Variants in SLC25A47 observed in about 807,000 individuals in gnomAD.
SLC25A47 encodes the protein HCC-down-regulated mitochondrial carrier protein.
SLC25A47 carries 30 observed loss-of-function variants against 29.8 expected under a neutral mutation model. That is an observed-to-expected ratio of 1.01 (90% confidence interval 0.75 to 1.36). The LOEUF (loss-of-function observed/expected upper bound fraction) is 1.36. Among genes scored for constraint, SLC25A47 ranks in the 40% most tolerant of loss-of-function variants. SLC25A47 has a pLI of 0.00. For synonymous variants in SLC25A47, 204 were observed against 197.8 expected, an observed-to-expected ratio of 1.03 and a Z score of -0.26; for missense variants, 430 against 441.9, an observed-to-expected ratio of 0.97 and a Z score of 0.24.
At chr14:100,325,763 C>T in intron 1 of SLC25A47, 25 bp from the exon 2 acceptor site, 1 of 1,611,376 alleles carries the variant, frequency 6.2e-7, no homozygotes, top group Non-Finnish European at 8.5e-7. Context: ...ACTCTCCTCA[C>T]CGTGGGCCTC....
chr14:100,326,261 C>T, intron 3 of SLC25A47, 33 bp downstream of exon 3: 1 of 1,601,700 alleles, frequency 6.2e-7, no homozygotes, highest in South Asian at 1.1e-5. Context: ...GGTAGGGAGA[C>T]AGGGAGGGGA....
intron 1 of SLC25A47, among the ~76,000 whole-genome samples, chr14:100,323,762 A>G (rs1893289927): frequency 6.6e-6 from 1 of 151,892 alleles, no homozygotes; most frequent in East Asian, 1.9e-4. Context: ...GGGAGGGGTG[A>G]TTGAGTCACT....
At chr14:100,323,586 T>C (rs1041463752) in intron 1 of SLC25A47, 144 bp downstream of exon 1, 3 of 990,432 alleles carry the variant, frequency 3.0e-6, no homozygotes, top group Non-Finnish European at 4.5e-6. Flanking sequence ...AGAGAGCAGG[T>C]TCCTGGGAGG....
At chr14:100,329,320 C>T (rs769664716) in intron 5 of SLC25A47, 45 bp from the exon 6 acceptor site, 18 of 1,543,410 alleles carry the variant, frequency 1.2e-5, no homozygotes, top group African/African-American at 1.1e-4. Context: ...CTGCCCTGGG[C>T]GCCCCGATCA....
chr14:100,326,100 T>G, intron 2 of SLC25A47, 57 bp from the exon 3 acceptor site: 1 of 1,459,076 alleles, frequency 6.9e-7, no homozygotes, highest in Non-Finnish European at 9.5e-7. Flanking sequence ...CCCCAGGGCC[T>G]GCTGGCCTTG....
intron 1 of SLC25A47, among the ~76,000 whole-genome samples, 198 bp from the exon 2 acceptor site, chr14:100,325,590 C>G (rs1173421509): frequency 6.6e-6 from 1 of 152,210 alleles, no homozygotes; most frequent in East Asian, 1.9e-4. Context: ...AGAAGACACT[C>G]GGAGGCTCAA....
chr14:100,326,224 A>C lies in SLC25A47; in HGVS notation c.140A>C (p.Glu47Ala), dbSNP rs750714745. The C allele has an allele frequency of 3.7e-6, 6 of 1,613,354 alleles. No individual in the cohort carries two copies. The highest frequency in any genetic ancestry group is 5.1e-6 in the Non-Finnish European group (6 of 1,179,882). Residue 47 changes from glutamate (E) to alanine (A), a missense_variant, in exon 3 of 6, where the codon GAG becomes GCG. Transcript: ENST00000361529. Reference protein sequence around the residue: ...WHCVRDTYHRERVWGFYRGLS... With the variant: ...WHCVRDTYHRARVWGFYRGLS... ...TGCGTCCGGGATACGTATCACCGAG[A>C]GCGCGTAGGTCTGGGGCCAGGGGCT... is the stretch of plus-strand genomic sequence containing the variant.
chr14:100,327,218 C>T lies in SLC25A47; in HGVS notation c.175C>T (p.Pro59Ser). The T allele has an allele frequency of 6.2e-7, 1 of 1,609,214 alleles. No homozygotes were observed. The change falls in exon 4 of 6, where the codon CCC becomes TCC. Residue 59 changes from proline to serine, a missense_variant. Coordinates refer to ENST00000361529, the MANE Select transcript of SLC25A47 (RefSeq NM_207117.4). ...GGGCTTCTACCGGGGCCTCTCGCTGCCCGTGTGCACGGTGTCCCTGGTATC... is the reference window on the plus strand; with the variant it reads ...GGGCTTCTACCGGGGCCTCTCGCTGTCCGTGTGCACGGTGTCCCTGGTATC... Reference protein sequence around the residue: ...VWGFYRGLSLPVCTVSLVSSV... With the variant: ...VWGFYRGLSLSVCTVSLVSSV...
intron 4 of SLC25A47, 73 bp from the exon 5 acceptor site, chr14:100,328,653 G>C: frequency 6.8e-7 from 1 of 1,476,504 alleles, no homozygotes; most frequent in Non-Finnish European, 9.5e-7. Flanking sequence ...GCAACATGAG[G>C]CTGGTGGGAG....
chr14:100,325,939 C>A, intron 2 of SLC25A47, 108 bp downstream of exon 2: 1 of 1,245,126 alleles, frequency 8.0e-7, no homozygotes, highest in Non-Finnish European at 1.1e-6. Flanking sequence ...TACCCAAATG[C>A]CTTCAATGGC....
chr14:100,326,202 G>T lies in SLC25A47; in HGVS notation c.118G>T (p.Val40Phe). 6.2e-7 allele frequency: 1 copy of T among 1,613,830 alleles called. No individual in the cohort carries two copies. The highest frequency in any genetic ancestry group is 2.2e-5 in the East Asian group (1 of 44,878). Residue 40 changes from valine (V) to phenylalanine (F), a missense_variant, in exon 3 of 6, where the codon GTC becomes TTC. Transcript: ENST00000361529. ...EPKYTGIWHC[V>F]RDTYHRERVW... ...AAAGTACACAGGCATCTGGCACTGC[G>T]TCCGGGATACGTATCACCGAGAGCG... is the stretch of plus-strand genomic sequence containing the variant.
rs867800260 is a variant in SLC25A47, at chr14:100,328,870, A to T, written c.472A>T (p.Lys158Ter). The change falls in exon 5 of 6, where the codon AAG (lysine) becomes TAG (stop). Residue 158 changes from lysine (K) to a stop codon, truncating the protein, a stop_gained. Transcript: ENST00000361529. LOFTEE classifies it high-confidence loss of function. ...CPVPPACPEP[K>*]YRGPLHCLAT... ...TGTGCCCCCAGCCTGCCCAGAGCCC[A>T]AGTACCGCGGGCCACTGCACTGCCT... 6.8e-6 allele frequency: 11 copies of T among 1,612,170 alleles called. 1 individual carries two copies. In the Middle Eastern group the frequency reaches 1.8e-3, roughly 266 times the overall value.
At position 100,323,452 on chromosome 14, in the gene SLC25A47, A is replaced by G. The variant is rs1038660637; in HGVS notation, c.28+10A>G. ...GCTGGAGCCATCGGAGGTAACAGAC[A>G]GGATGGTGGGCTGTGCAGACACTGC... is the stretch of plus-strand genomic sequence containing the variant. On this transcript the variant is annotated intron_variant, in intron 1 of 5. Transcript: ENST00000361529. The G allele has an allele frequency of 1.2e-6, 2 of 1,613,718 alleles. No individual in the cohort carries two copies. Among genetic ancestry groups the G allele is most frequent in the African/African-American group, 1.3e-5 (1 of 75,054 alleles).
In SLC25A47 at chr14:100,325,837, G is replaced by A. The variant is rs1595388701; in HGVS notation, c.72+6G>A. The A allele has an allele frequency of 6.2e-7, 1 of 1,610,950 alleles. No homozygotes were observed. The highest frequency in any genetic ancestry group is 8.5e-7 in the Non-Finnish European group (1 of 1,178,488). On this transcript the variant is annotated splice_donor_region_variant and intron_variant, in intron 2 of 5. Transcript: ENST00000361529. Reference sequence around the variant, plus strand: ...ACCCCCTGGACACGGTGAAGGTGCGGCAATAGCCAGCCCCCCAACCATCCT... The same window carrying A: ...ACCCCCTGGACACGGTGAAGGTGCGACAATAGCCAGCCCCCCAACCATCCT...
intron 1 of SLC25A47, among the ~76,000 whole-genome samples, chr14:100,325,003 C>T (rs186266592): frequency 1.1e-4 from 17 of 152,334 alleles, no homozygotes; most frequent in Middle Eastern, 3.4e-3. Context: ...TTCATTCTTT[C>T]ATCCCACATA....
intron 1 of SLC25A47, 58 bp from the exon 2 acceptor site, chr14:100,325,730 G>A (rs1595388593): frequency 1.3e-6 from 2 of 1,568,696 alleles, no homozygotes; most frequent in East Asian, 4.5e-5. Context: ...CCCTGCAATG[G>A]GGTTGAACTG....
intron 1 of SLC25A47, 88 bp downstream of exon 1, chr14:100,323,530 G>T: frequency 6.5e-7 from 1 of 1,534,316 alleles, no homozygotes; most frequent in South Asian, 1.1e-5. Flanking sequence ...CTGGGCAGCA[G>T]GGTGGGCTTT....
In SLC25A47 at chr14:100,329,372, G is replaced by A. The variant is rs767861566; in HGVS notation, c.654G>A (p.Pro218=). ...SPAGHSRPDV[P]GVLVAGGCAG... ...ACTGTGGTCTCTCTGCAGATGTCCCGGGCGTGCTGGTGGCCGGGGGCTGTG... is the reference window on the plus strand; with the variant it reads ...ACTGTGGTCTCTCTGCAGATGTCCCAGGCGTGCTGGTGGCCGGGGGCTGTG... The change falls in exon 6 of 6, where the codon CCG becomes CCA. Residue 218 remains proline, a synonymous_variant. Transcript: ENST00000361529. The A allele has an allele frequency of 8.9e-5, 142 of 1,601,204 alleles. No individual in the cohort carries two copies. The highest frequency in any genetic ancestry group is 1.9e-4 in the South Asian group (17 of 90,168).
rs781470035 is a variant in SLC25A47, at chr14:100,326,168, G to A, written c.84G>A (p.Gln28=). The change falls in exon 3 of 6, where the codon CAG becomes CAA. Residue 28 remains glutamine (Q), a synonymous_variant. Coordinates refer to ENST00000361529, the MANE Select transcript of SLC25A47 (RefSeq NM_207117.4). ...CACTTCTCCTGCAGGTCAGGATCCA[G>A]ACGGAGCCAAAGTACACAGGCATCT... is the stretch of plus-strand genomic sequence containing the variant. ...YPLDTVKVRI[Q]TEPKYTGIWH... is the part of the protein sequence containing the mutation. 6.2e-7 allele frequency: 1 copy of A among 1,613,662 alleles called. No homozygotes were observed. The highest frequency in any genetic ancestry group is 1.3e-5 in the African/African-American group (1 of 75,064).
Sources: allele counts gnomAD v4.1 joint callset (sites outside exome capture counted in the v4.1 genomes callset), GRCh38; gene constraint gnomAD v4.1.1; transcripts MANE v1.5; gene names NCBI Gene and HGNC (gene_info 2026-07-23, HGNC 2026-07-21).